GALNT16: variants seen among roughly 807,000 people sequenced by gnomAD.
GALNT16 encodes the protein UDP-GalNAc:polypeptide N-acetylgalactosaminyltransferase-like protein 1.
In GALNT16, 40 loss-of-function variants were observed where a neutral mutation model predicts 76.1. That is an observed-to-expected ratio of 0.53 (90% confidence interval 0.41 to 0.68). GALNT16 has a LOEUF of 0.68. GALNT16 is among the 30% of genes least tolerant of loss of function. GALNT16 has a pLI of 0.00. For missense variants in GALNT16, 621 were observed against 731.9 expected (o/e 0.85, Z 1.75); for synonymous variants, 276 against 285.2 (o/e 0.97, Z 0.32).
chr14:69,360,895 G>C (rs1023655467), downstream of GALNT16, among the ~76,000 whole-genome samples: 1 of 152,344 alleles, frequency 6.6e-6, no homozygotes, highest in Middle Eastern at 3.4e-3. Flanking sequence ...GGTGCAGAAG[G>C]CTCAGAGAGC....
intron 1 of GALNT16, among the ~76,000 whole-genome samples, chr14:69,277,799 A>G (rs1335187691): frequency 1.3e-5 from 2 of 152,220 alleles, no homozygotes; most frequent in African/African-American, 4.8e-5. Context: ...GAATTGCCCC[A>G]CTGTCTTCCA....
intron 1 of GALNT16, among the ~76,000 whole-genome samples, chr14:69,312,058 T>TATCA (rs1491245733): frequency 9.6e-5 from 6 of 62,368 alleles, no homozygotes; most frequent in Admixed American, 4.5e-4. Context: ...AAAAAAAATC[T>TATCA]GTCTATCTAT....
At chr14:69,320,284 C>T (rs56107218) in intron 1 of GALNT16, among the ~76,000 whole-genome samples, 43,419 of 152,088 alleles carry the variant, frequency 0.29, 6,245 homozygotes, top group Admixed American at 0.31. Flanking sequence ...CACTTGAGGT[C>T]AGGAGTTCAA....
intron 1 of GALNT16, among the ~76,000 whole-genome samples, chr14:69,286,333 G>A (rs1047859861): frequency 3.5e-5 from 5 of 144,720 alleles, no homozygotes; most frequent in East Asian, 4.1e-4. Context: ...ATGAAGTCTC[G>A]CTATTGTAGC....
Position 69,347,997 on chromosome 14 carries a change from A to C in GALNT16, c.1534A>C (p.Lys512Gln). ...GCAGATGTGCAACCCTAGAGAAGGC[A>C]AGCAGGTGAGTCTCCTTGCCTCTGG... ...ILQMCNPREG[K>Q]QKWRRKGSFI... is the part of the protein sequence containing the mutation. Residue 512 changes from lysine to glutamine, a missense_variant, in exon 14 of 15, where the codon AAG becomes CAG. Transcript: ENST00000448469. 2 of 1,614,042 alleles carry C rather than the reference A, an allele frequency of 1.2e-6. No individual in the cohort carries two copies. The highest frequency in any genetic ancestry group is 1.7e-6 in the Non-Finnish European group (2 of 1,179,986).
chr14:69,338,425 C>T (rs1322452469), intron 9 of GALNT16, among the ~76,000 whole-genome samples: 2 of 152,322 alleles, frequency 1.3e-5, no homozygotes, highest in African/African-American at 2.4e-5. Context: ...GAATGGGCCA[C>T]GGGGATCATG....
At chr14:69,276,836 A>T (rs953131628) in intron 1 of GALNT16, among the ~76,000 whole-genome samples, 1 of 152,260 alleles carries the variant, frequency 6.6e-6, no homozygotes, top group African/African-American at 2.4e-5. Flanking sequence ...GTAAAAGGAA[A>T]GAGCGAGCTT....
chr14:69,281,148 T>C (rs55753072), intron 1 of GALNT16, among the ~76,000 whole-genome samples: 22,279 of 152,148 alleles, frequency 0.15, 1,853 homozygotes, highest in African/African-American at 0.19. Context: ...ACCTCCACAG[T>C]GCCTGGTCCA....
intron 5 of GALNT16, among the ~76,000 whole-genome samples, chr14:69,328,088 G>A (rs1175439689): frequency 6.6e-6 from 1 of 152,150 alleles, no homozygotes; most frequent in African/African-American, 2.4e-5. Flanking sequence ...TGGAGGGGAC[G>A]ACCCAGAGGT....
chr14:69,381,979 C>T, the GALNT16 span, among the ~76,000 whole-genome samples: 2 of 152,242 alleles, frequency 1.3e-5, no homozygotes, highest in Admixed American at 6.5e-5. Context: ...GCGTGAGCCA[C>T]CGCACCTGGC....
chr14:69,341,731 G>C lies in GALNT16; in HGVS notation c.1238G>C (p.Arg413Pro). Residue 413 changes from arginine to proline, a missense_variant, in exon 12 of 15, where the codon CGC becomes CCC. Arg to Pro is a moderately radical substitution (Grantham distance 103, BLOSUM62 -2). Transcript: ENST00000448469. ...QRKKMNCKSFRWYLENVYPEL... is the reference protein window; with the variant it reads ...QRKKMNCKSFPWYLENVYPEL... ...AAGAAGATGAACTGCAAGTCCTTCC[G>C]CTGGTACCTGGAGAACGTCTACCCA... 1.2e-6 allele frequency: 2 copies of C among 1,613,068 alleles called. No homozygotes were observed. Among genetic ancestry groups the C allele is most frequent in the Non-Finnish European group, 1.7e-6 (2 of 1,179,308 alleles).
chr14:69,281,260 A>G (rs113174300), intron 1 of GALNT16, among the ~76,000 whole-genome samples: 5 of 152,340 alleles, frequency 3.3e-5, no homozygotes, highest in African/African-American at 1.2e-4. Flanking sequence ...TAATGCAGTG[A>G]ACAAGGAACT....
At chr14:69,297,402 C>A (rs1158102641) in intron 1 of GALNT16, among the ~76,000 whole-genome samples, 3 of 152,098 alleles carry the variant, frequency 2.0e-5, no homozygotes, top group African/African-American at 7.2e-5. Context: ...TTAGTTTATA[C>A]ATTTTTATGT....
intron 1 of GALNT16, among the ~76,000 whole-genome samples, chr14:69,289,544 G>A (rs2044662157): frequency 6.6e-6 from 1 of 152,126 alleles, no homozygotes; most frequent in Non-Finnish European, 1.5e-5. Flanking sequence ...TTGGTGGGAA[G>A]AAGTGGGCAG....
intron 1 of GALNT16, among the ~76,000 whole-genome samples, chr14:69,272,680 G>A (rs2044420925): frequency 6.6e-6 from 1 of 152,136 alleles, no homozygotes; most frequent in Admixed American, 6.5e-5. Flanking sequence ...GCAATTCCCA[G>A]TCCTGCAAGC....
chr14:69,377,182 T>C, the GALNT16 span, among the ~76,000 whole-genome samples: 1 of 152,186 alleles, frequency 6.6e-6, no homozygotes, highest in Non-Finnish European at 1.5e-5. Flanking sequence ...AATATTTGAT[T>C]GAGTCTAAAA....
the GALNT16 span, among the ~76,000 whole-genome samples, chr14:69,375,226 T>G: frequency 0.039 from 6,001 of 152,302 alleles, 156 homozygotes; most frequent in East Asian, 0.083. Context: ...CTTCTAATGC[T>G]TAGTGTTTGC....
chr14:69,361,015 G>T (rs952507377), downstream of GALNT16, among the ~76,000 whole-genome samples: 1 of 152,230 alleles, frequency 6.6e-6, no homozygotes, highest in African/African-American at 2.4e-5. Flanking sequence ...TGGGCTGAGG[G>T]TTGCCACTGA....
In GALNT16 at chr14:69,352,282, C is replaced by A; in HGVS notation, c.*114C>A. The A allele has an allele frequency of 1.0e-6, 1 of 978,570 alleles. No individual in the cohort carries two copies. The highest frequency in any genetic ancestry group is 1.5e-6 in the Non-Finnish European group (1 of 676,942). 60.6% of individuals were successfully genotyped at this position (978,570 alleles called of 1,614,324 possible). On this transcript the variant is annotated 3_prime_UTR_variant, in exon 15 of 15. Coordinates refer to ENST00000448469, the MANE Select transcript of GALNT16 (RefSeq NM_001168368.2). ...CATCTCCTCACATTTCTGCCAGGAC[C>A]ATCAGCAAATACCCACCATGACACA...
Sources: allele counts gnomAD v4.1 joint callset (sites outside exome capture counted in the v4.1 genomes callset), GRCh38; gene constraint gnomAD v4.1.1; transcripts MANE v1.5; gene names NCBI Gene and HGNC (gene_info 2026-07-23, HGNC 2026-07-21).